WDR44: variants seen among roughly 807,000 people sequenced by gnomAD.
WDR44 encodes the protein WD repeat-containing protein 44.
In WDR44, 9 loss-of-function variants were observed where a neutral mutation model predicts 65.7. The observed-to-expected ratio is 0.14, with a 90% CI of 0.08 to 0.24. WDR44 has a LOEUF of 0.24. WDR44 is among the 10% of genes least tolerant of loss of function. The probability of loss-of-function intolerance (pLI) is 1.00; values close to 1 mark genes in which losing one functional copy is unlikely to be tolerated. For missense variants in WDR44, 425 were observed against 670.9 expected (o/e 0.63, Z 4.05); for synonymous variants, 220 against 235.2 (o/e 0.94, Z 0.59).
At chrX:118,421,235 A>G (rs949845789) in intron 12 of WDR44, among the ~76,000 whole-genome samples, 3 of 112,136 alleles carry the variant, frequency 2.7e-5, no homozygotes, top group African/African-American at 9.7e-5. Context: ...AAAAATAGAG[A>G]CTATCTGTAG....
At chrX:118,394,302 A>G in intron 5 of WDR44, 117 bp downstream of exon 5, 4 of 1,010,661 alleles carry the variant, frequency 4.0e-6, no homozygotes, top group Non-Finnish European at 5.3e-6. Flanking sequence ...TCCAAACCTG[A>G]CCCCCTTACT....
At chrX:118,402,934 G>A (rs2056932469) in intron 8 of WDR44, among the ~76,000 whole-genome samples, 1 of 111,794 alleles carries the variant, frequency 8.9e-6, no homozygotes, top group South Asian at 3.7e-4. Flanking sequence ...TATCCATGGG[G>A]TATACGTTCC....
chrX:118,400,834 C>A (rs1364386417), intron 8 of WDR44, among the ~76,000 whole-genome samples: 1 of 101,083 alleles, frequency 9.9e-6, no homozygotes, highest in East Asian at 3.2e-4. Context: ...CCCACCCCAC[C>A]ACAGTCCCCA....
rs149448936 is a variant in WDR44, at chrX:118,398,394, G to A, written c.1198G>A (p.Ala400Thr). The change falls in exon 8 of 20, where the codon GCG becomes ACG. Residue 400 changes from alanine (A) to threonine (T), a missense_variant. Transcript: ENST00000254029. ...AACTTCCCCTTCTTACAGTAATGAC[G>A]CGGCACAGTCAGATGATGAAGAGAA... ...RRTKEYVSND[A>T]AQSDDEEKLQ... The A allele has an allele frequency of 3.8e-5, 46 of 1,206,814 alleles. No homozygotes were observed. The highest frequency in any genetic ancestry group is 4.8e-5 in the Non-Finnish European group (43 of 893,209).
intron 12 of WDR44, among the ~76,000 whole-genome samples, chrX:118,419,463 G>C: frequency 9.2e-6 from 1 of 109,252 alleles, no homozygotes; most frequent in Middle Eastern, 4.7e-3. Flanking sequence ...CCCAGTGGGG[G>C]TGTGTGTTCC....
intron 10 of WDR44, among the ~76,000 whole-genome samples, chrX:118,407,325 A>G (rs1186008979): frequency 9.0e-6 from 1 of 110,880 alleles, no homozygotes; most frequent in Non-Finnish European, 1.9e-5. Flanking sequence ...ACATGGCGAA[A>G]CCCTGTCTCT....
chrX:118,436,520 A>G, intron 13 of WDR44, 182 bp from the exon 14 acceptor site: 1 of 559,193 alleles, frequency 1.8e-6, no homozygotes, highest in Middle Eastern at 3.3e-4. Context: ...GAAATATGGT[A>G]CTTAACTGTT....
At chrX:118,378,329 T>A in intron 1 of WDR44, 90 bp from the exon 2 acceptor site, 1 of 733,855 alleles carries the variant, frequency 1.4e-6, no homozygotes. Flanking sequence ...ACACATTTTT[T>A]AAATGTGGAC....
intron 3 of WDR44, among the ~76,000 whole-genome samples, chrX:118,389,443 G>A (rs2056799210): frequency 2.7e-5 from 3 of 111,557 alleles, no homozygotes; most frequent in South Asian, 7.5e-4. Context: ...AGGCTAGGCC[G>A]GGCACGGTGG....
intron 12 of WDR44, among the ~76,000 whole-genome samples, chrX:118,422,457 C>T (rs778587339): frequency 1.8e-5 from 2 of 109,668 alleles, no homozygotes; most frequent in East Asian, 5.8e-4. Context: ...TTGAAGAGGC[C>T]GAGGCAGGCG....
chrX:118,387,296 AAG>A, intron 2 of WDR44, 42 bp from the exon 3 acceptor site: 2 of 974,593 alleles, frequency 2.1e-6, no homozygotes, highest in Non-Finnish European at 2.8e-6. Context: ...TTTTAAAGAA[AAG>A]ATGTCATCAT....
At chrX:118,358,256 G>A (rs2056480715) in intron 1 of WDR44, among the ~76,000 whole-genome samples, 2 of 112,245 alleles carry the variant, frequency 1.8e-5, no homozygotes, top group African/African-American at 6.5e-5. Context: ...AACAGGAAGA[G>A]AACAGTAAAG....
At chrX:118,417,751 T>C in intron 12 of WDR44, among the ~76,000 whole-genome samples, 1 of 111,992 alleles carries the variant, frequency 8.9e-6, no homozygotes, top group African/African-American at 3.2e-5. Flanking sequence ...CGGGGAAGTT[T>C]TCCTTGATTA....
At chrX:118,376,214 A>G (rs904889451) in intron 1 of WDR44, among the ~76,000 whole-genome samples, 1 of 112,076 alleles carries the variant, frequency 8.9e-6, no homozygotes, top group Non-Finnish European at 1.9e-5. Flanking sequence ...CTGGGATTAC[A>G]GGTATGAGCC....
At chrX:118,366,863 C>T (rs765072862) in intron 1 of WDR44, among the ~76,000 whole-genome samples, 2 of 111,263 alleles carry the variant, frequency 1.8e-5, no homozygotes, top group South Asian at 3.7e-4. Flanking sequence ...TTTGGGAGAC[C>T]GAGGCGGGCA....
chrX:118,433,858 G>T (rs896011415), intron 13 of WDR44, among the ~76,000 whole-genome samples: 3 of 111,889 alleles, frequency 2.7e-5, no homozygotes, highest in Non-Finnish European at 5.6e-5. Flanking sequence ...TGGGGACACA[G>T]ACAAAAGTTA....
Position 118,449,043 on chromosome X carries a change from G to GA in WDR44, c.*62dup, listed in dbSNP as rs1197642623. 4 of 765,069 alleles carry GA rather than the reference G, an allele frequency of 5.2e-6. No homozygotes were observed. In the East Asian group the frequency reaches 1.0e-4, roughly 19 times the overall value. 63.1% of individuals were successfully genotyped at this position (765,069 alleles called of 1,213,427 possible). A position where few individuals can be genotyped will look rare whatever the true frequency, so the allele number is the denominator to read the frequency against. ...GTAAGTTTCTATATGTATCAAAACT[G>GA]AAAAAATAGTGTTCCAGGCTAACAT... On this transcript the variant is annotated 3_prime_UTR_variant, in exon 20 of 20. Transcript: ENST00000254029.
rs10570740 is a variant in WDR44 at position 118,447,875 on chromosome X, AATATATATATATAT to A, written c.2648-992_2648-979del. On this transcript the variant is annotated intron_variant, in intron 19 of 19. Transcript: ENST00000254029. ...TGCAACAGAGTGAGACTCTATCTAA[AATATATATATATAT>A]ATATATATATATATATATATATATA... 1.6e-3 allele frequency among the ~76,000 whole-genome samples: 87 copies of A among 54,784 alleles called. 1 individual carries two copies. The highest frequency in any genetic ancestry group is 3.5e-3 in the African/African-American group (53 of 15,286). 47.6% of individuals were successfully genotyped at this position (54,784 alleles called of 115,157 possible). A position where few individuals can be genotyped will look rare whatever the true frequency, so the allele number is the denominator to read the frequency against.
chrX:118,368,481 A>ATATATATATATATATATATATATC (rs1377849821), intron 1 of WDR44, among the ~76,000 whole-genome samples: 1 of 95,291 alleles, frequency 1.0e-5, no homozygotes, highest in Non-Finnish European at 2.0e-5. Flanking sequence ...ATATATATAT[A>ATATATATATATATATATATATATC]CTTCTTGAGG....
Sources: allele counts gnomAD v4.1 joint callset (sites outside exome capture counted in the v4.1 genomes callset), GRCh38; gene constraint gnomAD v4.1.1; transcripts MANE v1.5; gene names NCBI Gene and HGNC (gene_info 2026-07-23, HGNC 2026-07-21).